The following FSTL1 variants were observed in gnomAD, a reference collection of about 807,000 sequenced individuals.
FSTL1 encodes the protein follistatin-related protein 1.
FSTL1 carries 24 observed loss-of-function variants against 45.9 expected under a neutral mutation model. That is an observed-to-expected ratio of 0.52 (90% CI 0.38 to 0.74). The LOEUF (loss-of-function observed/expected upper bound fraction) is 0.74, where lower values mean the gene tolerates loss of function less well. FSTL1 is among the 30% of genes least tolerant of loss of function. FSTL1 has a pLI of 0.00. For missense variants in FSTL1, 340 were observed against 381.8 expected, an observed-to-expected ratio of 0.89 and a Z score of 0.91; for synonymous variants, 120 against 137.6, an observed-to-expected ratio of 0.87 and a Z score of 0.89.
chr3:120,429,028 C>A (rs1217220522), intron 2 of FSTL1, among the ~76,000 whole-genome samples: 1 of 152,204 alleles, frequency 6.6e-6, no homozygotes, highest in Non-Finnish European at 1.5e-5. Flanking sequence ...GTGGGGAAAA[C>A]CTGGAGTCCG....
rs1177308815 is a variant in FSTL1, at chr3:120,402,359, C to T, written c.805+449G>A. ...AATATGTAAAGTGCTTAGAAGAGAG[C>T]CTGGCACATGGTTTTTGCTGAGTAT... is the stretch of plus-strand genomic sequence containing the variant. On this transcript the variant is annotated intron_variant, in intron 9 of 10. Transcript: ENST00000295633. Among the ~76,000 whole-genome samples, 5 of 151,968 alleles carry T rather than the reference C, an allele frequency of 3.3e-5. No individual in the cohort carries two copies. In the East Asian group the frequency reaches 7.7e-4, roughly 23 times the overall value.
At chr3:120,446,965 G>A (rs576507931) in intron 2 of FSTL1, among the ~76,000 whole-genome samples, 14 of 152,308 alleles carry the variant, frequency 9.2e-5, no homozygotes, top group African/African-American at 3.4e-4. Flanking sequence ...CTGTACATGT[G>A]ACTTATCATA....
At chr3:120,449,152 G>A (rs1292125045) in intron 2 of FSTL1, among the ~76,000 whole-genome samples, 1 of 152,202 alleles carries the variant, frequency 6.6e-6, no homozygotes, top group African/African-American at 2.4e-5. Context: ...GGGCTCCAAA[G>A]GTAAGAGAGG....
chr3:120,411,729 G>A (rs770861078), intron 4 of FSTL1, 125 bp downstream of exon 4: 35 of 841,762 alleles, frequency 4.2e-5, no homozygotes, highest in Admixed American at 6.6e-5. Context: ...CCAACTGGGC[G>A]CTTTCCACAG....
chr3:120,413,519 C>T lies in FSTL1; in HGVS notation c.169-1536G>A, dbSNP rs528468500. 6.6e-5 allele frequency among the ~76,000 whole-genome samples: 10 copies of T among 152,210 alleles called. No homozygotes were observed. In the East Asian group the frequency reaches 1.6e-3, roughly 24 times the overall value. Reference sequence around the variant, plus strand: ...GGACCTCCCAGAGCTAATGGATCCCCAGTAGGATCTGGCTTTTAGGTTTCT... The same window carrying T: ...GGACCTCCCAGAGCTAATGGATCCCTAGTAGGATCTGGCTTTTAGGTTTCT... On this transcript the variant is annotated intron_variant, in intron 3 of 10. Transcript: ENST00000295633.
chr3:120,449,119 G>A lies in FSTL1; in HGVS notation c.63+1565C>T, dbSNP rs2107675623. ...AAACCCTGGAAAACCAGATGGATAA[G>A]AAGCAGACCTGGAGTTCAAGATGGG... On this transcript the variant is annotated intron_variant, in intron 2 of 10. Coordinates refer to ENST00000295633, the MANE Select transcript of FSTL1 (RefSeq NM_007085.5). 2.0e-5 allele frequency among the ~76,000 whole-genome samples: 3 copies of A among 152,362 alleles called. 1 individual carries two copies. The South Asian group carries it at 6.2e-4, about 32-fold the overall frequency.
intron 10 of FSTL1, among the ~76,000 whole-genome samples, chr3:120,398,136 T>G (rs961912741): frequency 6.6e-6 from 1 of 152,204 alleles, no homozygotes; most frequent in African/African-American, 2.4e-5. Flanking sequence ...GGGATTTCTT[T>G]CTGGGATAAT....
In FSTL1 at chr3:120,399,871, G is replaced by A; in HGVS notation, c.882+12C>T. 1 of 1,577,952 alleles carries A rather than the reference G, an allele frequency of 6.3e-7. No individual in the cohort carries two copies. The highest frequency in any genetic ancestry group is 8.7e-7 in the Non-Finnish European group (1 of 1,153,802). On this transcript the variant is annotated intron_variant, in intron 10 of 10. Transcript: ENST00000295633. ...CAGCAACACCTGAACCAGCACGGAGGCTGCCACTCACCTGATGCTTTTGGA... is the reference window on the plus strand; with the variant it reads ...CAGCAACACCTGAACCAGCACGGAGACTGCCACTCACCTGATGCTTTTGGA...
intron 6 of FSTL1, among the ~76,000 whole-genome samples, chr3:120,408,850 A>G (rs865783169): frequency 2.6e-5 from 4 of 152,154 alleles, no homozygotes; most frequent in Admixed American, 6.5e-5. Context: ...ATCAGCTGTA[A>G]GAATGCCCTT....
chr3:120,407,198 C>G (rs1325235604), intron 6 of FSTL1, among the ~76,000 whole-genome samples: 1 of 152,170 alleles, frequency 6.6e-6, no homozygotes, highest in Admixed American at 6.5e-5. Flanking sequence ...GTCATGAGAT[C>G]TGTTCTTGGG....
At chr3:120,406,630 G>C (rs1046374694) in intron 6 of FSTL1, among the ~76,000 whole-genome samples, 1 of 152,228 alleles carries the variant, frequency 6.6e-6, no homozygotes. Context: ...GGCCAGAGTT[G>C]TATGTAGAAT....
chr3:120,445,849 T>G (rs374907066), intron 2 of FSTL1, among the ~76,000 whole-genome samples: 2 of 149,876 alleles, frequency 1.3e-5, no homozygotes, highest in African/African-American at 5.1e-5. Flanking sequence ...GAGTACCAGG[T>G]GCGCTCAGCT....
At chr3:120,435,470 T>C (rs1312883591) in intron 2 of FSTL1, among the ~76,000 whole-genome samples, 2 of 152,190 alleles carry the variant, frequency 1.3e-5, no homozygotes, top group African/African-American at 2.4e-5. Flanking sequence ...ACAAGAACCA[T>C]TTGGGGACAG....
At chr3:120,415,799 A>T in intron 3 of FSTL1, 124 bp downstream of exon 3, 1 of 546,074 alleles carries the variant, frequency 1.8e-6, no homozygotes, top group Non-Finnish European at 3.3e-6. Context: ...CACGTTTTTC[A>T]GGGGGATGAA....
chr3:120,410,496 G>A, intron 5 of FSTL1: 1 of 305,748 alleles, frequency 3.3e-6, no homozygotes, highest in Non-Finnish European at 6.5e-6. Context: ...AGAATCTAAG[G>A]AAAGTATGTG....
intron 6 of FSTL1, among the ~76,000 whole-genome samples, chr3:120,405,510 T>C (rs148088277): frequency 3.0e-3 from 451 of 152,330 alleles, no homozygotes; most frequent in African/African-American, 0.01. Flanking sequence ...TCTCAGTGCT[T>C]AACTTTCACT....
chr3:120,410,760 C>A, intron 5 of FSTL1, 192 bp downstream of exon 5: 1 of 690,562 alleles, frequency 1.4e-6, no homozygotes, highest in East Asian at 2.8e-5. Context: ...CCAGCTGCTT[C>A]AATTGGCAAA....
Position 120,404,864 on chromosome 3 carries a change from GT to G in FSTL1, c.569del (p.Asn190ThrfsTer76). 6.5e-7 allele frequency: 1 copy of G among 1,535,318 alleles called. No homozygotes were observed. Among genetic ancestry groups the G allele is most frequent in the Non-Finnish European group, 9.0e-7 (1 of 1,107,912 alleles). On this transcript the variant is annotated frameshift_variant, in exon 7 of 11. Coordinates refer to ENST00000295633, the MANE Select transcript of FSTL1 (RefSeq NM_007085.5). LOFTEE classifies it high-confidence loss of function. ...TCGGTTCCTCTCACCTAAGCAACTT[GT>G]TGTTCTCCTGGTCTGGATACGTTGT... Reference protein sequence around the residue: ...NITTYPDQENNKLLRGLCVDA... With the variant: ...NITTYPDQENXKLLRGLCVDA...
At chr3:120,438,956 T>C (rs570634452) in intron 2 of FSTL1, among the ~76,000 whole-genome samples, 37 of 152,244 alleles carry the variant, frequency 2.4e-4, no homozygotes, top group Non-Finnish European at 4.6e-4. Flanking sequence ...GTGCGACTCG[T>C]TGCCAGTCCC....
Sources: gnomAD v4.1 joint callset for allele counts (sites outside exome capture counted in the v4.1 genomes callset) on GRCh38, gnomAD v4.1.1 for gene constraint, MANE v1.5 for transcripts, NCBI Gene and HGNC (gene_info 2026-07-23, HGNC 2026-07-21) for gene names.